The following VPS13B variants were observed in gnomAD, a reference collection of about 807,000 sequenced individuals.
The protein encoded by VPS13B is intermembrane lipid transfer protein VPS13B.
In VPS13B, 285 loss-of-function variants were observed where a neutral mutation model predicts 426.4. That is an observed-to-expected ratio of 0.67 (90% CI 0.61 to 0.74). The LOEUF is 0.74. Among genes scored for constraint, VPS13B ranks in the 30% least tolerant of loss-of-function variants. The probability of loss-of-function intolerance (pLI) is 0.00; values close to 1 mark genes in which losing one functional copy is unlikely to be tolerated. For missense variants in VPS13B, 4,537 were observed against 4,782.6 expected, an observed-to-expected ratio of 0.95 and a Z score of 1.51; for synonymous variants, 1,676 against 1,676.4, an observed-to-expected ratio of 1.00 and a Z score of 0.01.
chr8:99,528,405 A>C (rs1822761753), intron 30 of VPS13B, among the ~76,000 whole-genome samples: 1 of 152,108 alleles, frequency 6.6e-6, no homozygotes, highest in African/African-American at 2.4e-5. Flanking sequence ...AGTGCTTATG[A>C]TGACTAGACA....
intron 21 of VPS13B, among the ~76,000 whole-genome samples, chr8:99,410,539 T>A (rs564883504): frequency 9.3e-4 from 118 of 127,464 alleles, no homozygotes; most frequent in Non-Finnish European, 1.6e-3. Context: ...ACCAGAATTA[T>A]TTATTTATTT....
Position 99,819,032 on chromosome 8 carries a change from G to A in VPS13B, c.8621+144G>A, listed in dbSNP as rs13260744. On this transcript the variant is annotated intron_variant, in intron 47 of 61. Coordinates refer to ENST00000357162, the MANE Select transcript of VPS13B (RefSeq NM_152564.5). ...TTTTTTGTATGATTTCTTATCTTAT[G>A]AGAATGTTATTTTAAAATTGCCCTG... 114,114 of 857,700 alleles carry A rather than the reference G, an allele frequency of 0.13. 8,573 individuals carry two copies. Among genetic ancestry groups the A allele is most frequent in the African/African-American group, 0.16 (9,399 of 58,746 alleles). 53.1% of individuals were successfully genotyped at this position (857,700 alleles called of 1,614,324 possible).
intron 17 of VPS13B, among the ~76,000 whole-genome samples, chr8:99,266,711 T>A (rs1818325623): frequency 1.3e-5 from 2 of 152,116 alleles, no homozygotes; most frequent in South Asian, 4.1e-4. Context: ...GCTGTTCTTG[T>A]GATAGTGAGT....
chr8:99,490,268 A>G (rs1003479706), intron 25 of VPS13B, among the ~76,000 whole-genome samples: 1 of 152,174 alleles, frequency 6.6e-6, no homozygotes, highest in Admixed American at 6.5e-5. Flanking sequence ...ATTGTGGTGG[A>G]TAAGCTTTTT....
rs143900648 is a variant in VPS13B, at chr8:99,167,038, A to G, written c.2209-3001A>G. Among the ~76,000 whole-genome samples, 1,361 of 152,320 alleles carry G rather than the reference A, an allele frequency of 8.9e-3. 28 individuals are homozygous for G. Among genetic ancestry groups the G allele is most frequent in the African/African-American group, 0.032 (1,314 of 41,582 alleles). On this transcript the variant is annotated intron_variant, in intron 15 of 61. Transcript: ENST00000357162. ...AATTTTGAGTTAATAGATGAGCTAC[A>G]TCAAATGAAGTATCATATCCTTGTT...
intron 30 of VPS13B, among the ~76,000 whole-genome samples, chr8:99,550,398 AT>A (rs891315794): frequency 3.0e-3 from 428 of 144,366 alleles, no homozygotes; most frequent in East Asian, 0.018. Context: ...ACTAGGAGAG[AT>A]TTTTTTTTTT....
At chr8:99,465,801 A>G (rs1273881808) in intron 23 of VPS13B, among the ~76,000 whole-genome samples, 1 of 152,116 alleles carries the variant, frequency 6.6e-6, no homozygotes. Context: ...TTAAATCTTA[A>G]GACAGACAAA....
intron 22 of VPS13B, among the ~76,000 whole-genome samples, chr8:99,441,160 T>A (rs1432164237): frequency 2.0e-5 from 3 of 152,088 alleles, no homozygotes; most frequent in Non-Finnish European, 4.4e-5. Flanking sequence ...ATGCGTTTAT[T>A]TTTGCAAAAT....
chr8:99,541,729 GA>G (rs1823632977), intron 30 of VPS13B, among the ~76,000 whole-genome samples: 1 of 151,764 alleles, frequency 6.6e-6, no homozygotes, highest in African/African-American at 2.4e-5. Flanking sequence ...TTTTCCTTAA[GA>G]AAAAAATGTA....
chr8:99,075,074 T>G (rs1398240046), intron 3 of VPS13B, among the ~76,000 whole-genome samples: 1 of 152,176 alleles, frequency 6.6e-6, no homozygotes, highest in Non-Finnish European at 1.5e-5. Context: ...CTTGTAAGCT[T>G]GATAAATTTA....
chr8:99,560,414 C>A (rs537853016), intron 31 of VPS13B, among the ~76,000 whole-genome samples: 3 of 152,090 alleles, frequency 2.0e-5, no homozygotes, highest in African/African-American at 4.8e-5. Flanking sequence ...TGTGTGTGCT[C>A]CTATCACATC....
intron 23 of VPS13B, among the ~76,000 whole-genome samples, chr8:99,449,484 T>C (rs540108784): frequency 2.6e-5 from 4 of 151,844 alleles, no homozygotes; most frequent in South Asian, 2.1e-4. Flanking sequence ...AGGGAAAACA[T>C]GAAAAAAGAT....
At chr8:99,691,770 C>G (rs1273934862) in intron 35 of VPS13B, among the ~76,000 whole-genome samples, 5 of 145,344 alleles carry the variant, frequency 3.4e-5, no homozygotes, top group Non-Finnish European at 6.0e-5. Flanking sequence ...GAGTCAAGAC[C>G]CATCAGTGTG....
chr8:99,500,800 C>G (rs1463678050), intron 25 of VPS13B, among the ~76,000 whole-genome samples: 1 of 152,170 alleles, frequency 6.6e-6, no homozygotes, highest in Admixed American at 6.5e-5. Context: ...TAAAAGAACT[C>G]AACATATCAA....
chr8:99,362,851 A>T (rs1812643405), intron 19 of VPS13B, among the ~76,000 whole-genome samples: 1 of 152,230 alleles, frequency 6.6e-6, no homozygotes, highest in African/African-American at 2.4e-5. Flanking sequence ...ATTCTTGGAT[A>T]GTATGGTAGC....
chr8:99,537,864 G>C (rs1446865182), intron 30 of VPS13B, among the ~76,000 whole-genome samples: 2 of 152,074 alleles, frequency 1.3e-5, no homozygotes, highest in South Asian at 2.1e-4. Flanking sequence ...TTAATGTGTA[G>C]GGTCATTAAC....
chr8:99,701,322 G>A (rs1315302085), intron 36 of VPS13B, among the ~76,000 whole-genome samples: 1 of 152,144 alleles, frequency 6.6e-6, no homozygotes, highest in East Asian at 1.9e-4. Flanking sequence ...CTTTCCAGTT[G>A]TACCTCAATC....
intron 19 of VPS13B, among the ~76,000 whole-genome samples, chr8:99,382,412 T>G (rs1813863390): frequency 6.6e-6 from 1 of 152,226 alleles, no homozygotes; most frequent in South Asian, 2.1e-4. Flanking sequence ...TAAATTGCTT[T>G]GGACAGAATG....
intron 19 of VPS13B, among the ~76,000 whole-genome samples, chr8:99,376,115 T>C (rs966155040): frequency 9.9e-5 from 15 of 152,198 alleles, no homozygotes; most frequent in African/African-American, 3.1e-4. Context: ...AGTGAGCCAT[T>C]TGGGCAGTGA....
Sources: allele counts gnomAD v4.1 joint callset (sites outside exome capture counted in the v4.1 genomes callset), GRCh38; gene constraint gnomAD v4.1.1; transcripts MANE v1.5; gene names NCBI Gene and HGNC (gene_info 2026-07-23, HGNC 2026-07-21).